Variants in SEC16B observed in about 807,000 individuals in gnomAD.
SEC16B encodes protein transport protein Sec16B.
SEC16B carries 115 observed loss-of-function variants against 141.8 expected under a neutral mutation model. The observed-to-expected ratio is 0.81, with a 90% CI of 0.70 to 0.95. SEC16B has a LOEUF of 0.95. SEC16B is among the 40% of genes least tolerant of loss of function. SEC16B has a pLI of 0.00. For synonymous variants in SEC16B, 493 were observed against 492.5 expected (o/e 1.00, Z -0.01); for missense variants, 1,291 against 1,312.3 (o/e 0.98, Z 0.25).
chr1:177,954,156 T>C (rs1230239750), intron 11 of SEC16B, 123 bp downstream of exon 11: 2 of 638,472 alleles, frequency 3.1e-6, no homozygotes, highest in Non-Finnish European at 5.5e-6. Context: ...AAAGAGAACA[T>C]GGAAAGATCC....
chr1:177,938,438 G>T (rs1266073647), intron 18 of SEC16B, among the ~76,000 whole-genome samples: 1 of 152,198 alleles, frequency 6.6e-6, no homozygotes, highest in Admixed American at 6.5e-5. Context: ...AACAGTCACA[G>T]CTCCTCCTAT....
At chr1:177,932,867 GC>G in intron 22 of SEC16B, 61 bp from the exon 23 acceptor site, 1 of 1,449,296 alleles carries the variant, frequency 6.9e-7, no homozygotes, top group Non-Finnish European at 9.5e-7. Context: ...ATTGATGCCC[GC>G]CAATTTGTGT....
In SEC16B at chr1:177,958,171, C is replaced by T; in HGVS notation, c.1326G>A (p.Val442=). ...PPSVETPAQI[V]EKFTRLLYYG... ...AGTAGAGCAGCCTAGTGAATTTCTC[C>T]ACGATCTGCGCAGGTGTCTCCACAC... Residue 442 remains valine, a synonymous_variant, in exon 10 of 26, where the codon GTG becomes GTA. Transcript: ENST00000308284. 1 of 1,559,194 alleles carries T rather than the reference C, an allele frequency of 6.4e-7. No homozygotes were observed. Among genetic ancestry groups the T allele is most frequent in the East Asian group, 2.3e-5 (1 of 42,998 alleles).
At chr1:177,935,758 A>G (rs993699736) in intron 20 of SEC16B, among the ~76,000 whole-genome samples, 1 of 152,018 alleles carries the variant, frequency 6.6e-6, no homozygotes, top group African/African-American at 2.4e-5. Flanking sequence ...TCCAACCAGG[A>G]GAAGCTGAAG....
At chr1:177,960,564 G>T (rs745839474) in intron 7 of SEC16B, 161 bp from the exon 8 acceptor site, 1 of 695,870 alleles carries the variant, frequency 1.4e-6, no homozygotes, top group Non-Finnish European at 2.5e-6. Context: ...CTAAAGATGA[G>T]ACATTGACAT....
chr1:177,939,513 G>A (rs1651114069), intron 18 of SEC16B, among the ~76,000 whole-genome samples, 189 bp downstream of exon 18: 1 of 152,216 alleles, frequency 6.6e-6, no homozygotes, highest in African/African-American at 2.4e-5. Flanking sequence ...AGGGAACTTA[G>A]AAGTGTTAGG....
In SEC16B at chr1:177,929,798, A is replaced by G. The variant is rs747027145; in HGVS notation, c.*60T>C. On this transcript the variant is annotated 3_prime_UTR_variant, in exon 26 of 26. Transcript: ENST00000308284. Reference sequence around the variant, plus strand: ...ATGGTAGAGAGGGGCTGGGAGATTGAGAAAAAGAGAGCAAGAAAGTTTCAG... The same window carrying G: ...ATGGTAGAGAGGGGCTGGGAGATTGGGAAAAAGAGAGCAAGAAAGTTTCAG... 4 of 1,576,670 alleles carry G rather than the reference A, an allele frequency of 2.5e-6. No homozygotes were observed. The highest frequency in any genetic ancestry group is 1.7e-4 in the Middle Eastern group (1 of 5,990).
intron 11 of SEC16B, 110 bp downstream of exon 11, chr1:177,954,169 G>T: frequency 1.4e-6 from 1 of 698,686 alleles, no homozygotes; most frequent in Non-Finnish European, 2.5e-6. Context: ...AAAGATCCCT[G>T]GAGTGTGAGT....
intron 21 of SEC16B, 47 bp from the exon 22 acceptor site, chr1:177,933,359 C>A (rs754754749): frequency 1.3e-6 from 2 of 1,562,136 alleles, no homozygotes; most frequent in South Asian, 1.2e-5. Context: ...TGGCTTCTTC[C>A]CCAACTATGA....
intron 9 of SEC16B, 56 bp from the exon 10 acceptor site, chr1:177,958,418 C>T: frequency 7.1e-7 from 1 of 1,407,392 alleles, no homozygotes; most frequent in Non-Finnish European, 9.5e-7. Context: ...AGGCTGGCAG[C>T]CCCAGCTGGA....
In SEC16B at chr1:177,933,624, C is replaced by T; in HGVS notation, c.2584G>A (p.Ala862Thr). 2.5e-6 allele frequency: 4 copies of T among 1,613,932 alleles called. No homozygotes were observed. The highest frequency in any genetic ancestry group is 3.3e-4 in the Middle Eastern group (2 of 6,062). Residue 862 changes from alanine (A) to threonine (T), a missense_variant, in exon 21 of 26, where the codon GCT becomes ACT. Ala to Thr is a moderately conservative substitution (Grantham distance 58). This residue lies in a region of SEC16B where 605 missense variants were observed against 614.1 expected (regional missense o/e 0.99). Transcript: ENST00000308284. Reference protein sequence around the residue: ...VISKPQTPLAARPRSISESSA... With the variant: ...VISKPQTPLATRPRSISESSA... ...CTCTCAGAAATACTTCGTGGTCTAG[C>T]AGCCAATGGTGTCTGGAATTAAAGA... is the stretch of plus-strand genomic sequence containing the variant.
intron 12 of SEC16B, among the ~76,000 whole-genome samples, chr1:177,949,431 A>ACACAG (rs1651999079): frequency 1.5e-5 from 2 of 133,062 alleles, no homozygotes; most frequent in African/African-American, 6.1e-5. Flanking sequence ...CACACACACA[A>ACACAG]AGAAAAACTT....
chr1:177,940,964 C>G (rs1033460033), intron 16 of SEC16B, among the ~76,000 whole-genome samples: 7 of 152,286 alleles, frequency 4.6e-5, no homozygotes, highest in Non-Finnish European at 7.3e-5. Flanking sequence ...TGAGGAGAAA[C>G]AGTTACTCAG....
At chr1:177,931,420 G>C (rs1650404880) in intron 24 of SEC16B, among the ~76,000 whole-genome samples, 1 of 152,116 alleles carries the variant, frequency 6.6e-6, no homozygotes. Context: ...ATTCAGAAGA[G>C]GAAGGGTGGG....
chr1:177,979,674 C>T (rs371554493), intron 1 of SEC16B, among the ~76,000 whole-genome samples: 20 of 152,316 alleles, frequency 1.3e-4, no homozygotes, highest in African/African-American at 4.6e-4. Flanking sequence ...TAAAGATATA[C>T]CCAAGCCTGG....
At chr1:177,949,495 A>T (rs1315000340) in intron 12 of SEC16B, among the ~76,000 whole-genome samples, 2 of 151,900 alleles carry the variant, frequency 1.3e-5, no homozygotes, top group African/African-American at 4.8e-5. Flanking sequence ...ACTATAAATC[A>T]GATCAATGGA....
At chr1:177,977,931 G>T (rs1654241883) in intron 1 of SEC16B, among the ~76,000 whole-genome samples, 1 of 152,128 alleles carries the variant, frequency 6.6e-6, no homozygotes, top group African/African-American at 2.4e-5. Flanking sequence ...ACTGTGATGT[G>T]GATGAAATGA....
chr1:177,962,228 C>A (rs951352695), intron 5 of SEC16B, among the ~76,000 whole-genome samples: 1 of 152,096 alleles, frequency 6.6e-6, no homozygotes, highest in African/African-American at 2.4e-5. Flanking sequence ...CACGCCACCA[C>A]GCCCAGCTGA....
At chr1:177,948,910 T>G (rs1349585300) in intron 12 of SEC16B, among the ~76,000 whole-genome samples, 1 of 136,140 alleles carries the variant, frequency 7.3e-6, no homozygotes, top group Non-Finnish European at 1.6e-5. Context: ...ATCAATTACA[T>G]GTAGGTATAA....
Sources: allele counts gnomAD v4.1 joint callset (sites outside exome capture counted in the v4.1 genomes callset), GRCh38; gene constraint gnomAD v4.1.1; regional missense constraint gnomAD v4.1.1; transcripts MANE v1.5; gene names NCBI Gene and HGNC (gene_info 2026-07-23, HGNC 2026-07-21).